DPP6: variants seen among roughly 807,000 people sequenced by gnomAD.
The protein encoded by DPP6 is dipeptidyl peptidase like 6, also known as A-type potassium channel modulatory protein DPP6.
In DPP6, 69 loss-of-function variants were observed where a neutral mutation model predicts 122.6. The ratio of observed to expected loss-of-function variants is 0.56; its 90% CI spans 0.46 to 0.69. The LOEUF is 0.69. Ranked by LOEUF, DPP6 falls within the 30% of genes least tolerant of loss-of-function variation. The pLI is 0.00. For missense variants in DPP6, 928 were observed against 1,116.9 expected, an observed-to-expected ratio of 0.83 and a Z score of 2.41; for synonymous variants, 418 against 433.1, an observed-to-expected ratio of 0.97 and a Z score of 0.43.
rs576799882 is a variant in DPP6, at chr7:154,380,103, C to T, written c.244-66111C>T. Among the ~76,000 whole-genome samples the T allele has an allele frequency of 7.2e-5, 11 of 152,162 alleles. No individual in the cohort carries two copies. In the South Asian group the frequency reaches 2.3e-3, roughly 32 times the overall value. On this transcript the variant is annotated intron_variant, in intron 1 of 25. Coordinates refer to ENST00000377770, the MANE Select transcript of DPP6 (RefSeq NM_130797.4). ...GAGAATATACTAAATTGAAAAAACA[C>T]ACACAACATTAACCTTAATTGTTTC...
intron 3 of DPP6, among the ~76,000 whole-genome samples, chr7:154,510,268 C>T (rs1452575790): frequency 6.6e-6 from 1 of 152,156 alleles, no homozygotes; most frequent in African/African-American, 2.4e-5. Context: ...ACAAGCATCT[C>T]CAGCAACCAG....
At chr7:154,708,535 C>A (rs528652326) in intron 7 of DPP6, among the ~76,000 whole-genome samples, 1 of 152,184 alleles carries the variant, frequency 6.6e-6, no homozygotes, top group African/African-American at 2.4e-5. Flanking sequence ...GTCCTTCATA[C>A]ACATATTTAT....
In DPP6 at chr7:154,873,692, C is replaced by T. The variant is rs12536514; in HGVS notation, c.1883+999C>T. On this transcript the variant is annotated intron_variant, in intron 19 of 25. Transcript: ENST00000377770. ...CCCACTTTCCTTAATATCTGGACTG[C>T]TTTCACACTTTCCCAGCAGCCATGC... is the stretch of plus-strand genomic sequence containing the variant. Among the ~76,000 whole-genome samples the T allele has an allele frequency of 4.3e-3, 651 of 152,244 alleles. 6 individuals carry two copies. The highest frequency in any genetic ancestry group is 0.013 in the Admixed American group (194 of 15,290).
intron 1 of DPP6, among the ~76,000 whole-genome samples, chr7:154,139,593 C>T (rs899590091): frequency 1.3e-5 from 2 of 151,882 alleles, no homozygotes; most frequent in African/African-American, 4.8e-5. Flanking sequence ...TTAGCCATCG[C>T]AGTGGGTCAG....
chr7:154,299,205 T>C (rs1805740906), intron 1 of DPP6, among the ~76,000 whole-genome samples: 1 of 152,124 alleles, frequency 6.6e-6, no homozygotes, highest in South Asian at 2.1e-4. Context: ...CTCAAAGGGG[T>C]GCTGGCGTTG....
chr7:154,060,796 GA>G (rs1470070542), intron 1 of DPP6, among the ~76,000 whole-genome samples: 1 of 93,344 alleles, frequency 1.1e-5, no homozygotes, highest in African/African-American at 5.9e-5. Flanking sequence ...CCCATCACAG[GA>G]GGGGGACGCA....
chr7:154,731,970 C>T (rs1327227024), intron 8 of DPP6, among the ~76,000 whole-genome samples: 1 of 152,114 alleles, frequency 6.6e-6, no homozygotes, highest in Non-Finnish European at 1.5e-5. Flanking sequence ...TTCTTTGTTA[C>T]CGCCATTACA....
At chr7:154,197,694 A>G (rs1444232558) in intron 1 of DPP6, among the ~76,000 whole-genome samples, 1 of 152,234 alleles carries the variant, frequency 6.6e-6, no homozygotes, top group Admixed American at 6.5e-5. Context: ...GTATTGACAT[A>G]TCAATATTTC....
At position 154,587,946 on chromosome 7, in the gene DPP6, C is replaced by A. The variant is rs780683995; in HGVS notation, c.627+21030C>A. On this transcript the variant is annotated intron_variant, in intron 5 of 25. Coordinates refer to ENST00000377770, the MANE Select transcript of DPP6 (RefSeq NM_130797.4). ...GGACTGCCAATGGCACCAGGCTTCG[C>A]AGCCATGCACCTGCAGCCCTCAGGC... is the stretch of plus-strand genomic sequence containing the variant. 3.1e-6 allele frequency: 5 copies of A among 1,612,922 alleles called. No homozygotes were observed. In the South Asian group the frequency reaches 5.5e-5, roughly 18 times the overall value.
intron 1 of DPP6, among the ~76,000 whole-genome samples, chr7:154,063,339 T>A (rs1240234622): frequency 8.6e-6 from 1 of 116,956 alleles, no homozygotes; most frequent in African/African-American, 3.2e-5. Flanking sequence ...TCCCTCTGGC[T>A]CTTAGGAACC....
intron 1 of DPP6, among the ~76,000 whole-genome samples, chr7:153,918,809 G>T (rs928154536): frequency 2.0e-5 from 3 of 151,714 alleles, no homozygotes; most frequent in Admixed American, 6.6e-5. Flanking sequence ...GTGAAACCCC[G>T]TCTCTACTAA....
At chr7:154,638,980 T>C (rs139842936) in intron 6 of DPP6, among the ~76,000 whole-genome samples, 21 of 152,342 alleles carry the variant, frequency 1.4e-4, no homozygotes, top group African/African-American at 4.8e-4. Flanking sequence ...GATAGTGTCA[T>C]GTAGGCTCCT....
Position 154,794,355 on chromosome 7 carries a change from C to A in DPP6, c.1260+153C>A, listed in dbSNP as rs1797880028. Among the ~76,000 whole-genome samples, 3 of 152,196 alleles carry A rather than the reference C, an allele frequency of 2.0e-5. No individual in the cohort carries two copies. The South Asian group carries it at 6.2e-4, about 31-fold the overall frequency. Reference sequence around the variant, plus strand: ...GGGAGCCCGCGGCGCAGAGTCCCGGCTCCGGCGTGGCTGCCACCTCGTGGC... The same window carrying A: ...GGGAGCCCGCGGCGCAGAGTCCCGGATCCGGCGTGGCTGCCACCTCGTGGC... On this transcript the variant is annotated intron_variant, in intron 11 of 25. Transcript: ENST00000377770.
chr7:153,982,016 G>A (rs1188378795), intron 1 of DPP6, among the ~76,000 whole-genome samples: 2 of 152,202 alleles, frequency 1.3e-5, no homozygotes, highest in East Asian at 3.9e-4. Context: ...TGACGATTAT[G>A]TATCTTGGGG....
In DPP6 at chr7:153,984,523, T is replaced by A. The variant is rs368759110; in HGVS notation, c.51+96789T>A. Among the ~76,000 whole-genome samples the A allele has an allele frequency of 5.8e-4, 88 of 152,286 alleles. No individual in the cohort carries two copies. In the South Asian group the frequency reaches 6.6e-3, roughly 11 times the overall value. On this transcript the variant is annotated intron_variant, in intron 1 of 25. Coordinates refer to the DPP6 transcript ENST00000404039. ...GAATGATTTGTGCATGAAACTGCCT[T>A]GGAGCAGGTGCAACTTCAGGGGGAA...
At chr7:154,370,776 G>A (rs1293609313) in intron 1 of DPP6, among the ~76,000 whole-genome samples, 9 of 152,160 alleles carry the variant, frequency 5.9e-5, no homozygotes, top group African/African-American at 2.2e-4. Context: ...TAGAATACTT[G>A]CATATTTTTA....
intron 5 of DPP6, among the ~76,000 whole-genome samples, chr7:154,580,646 G>A (rs993433714): frequency 6.6e-6 from 1 of 152,164 alleles, no homozygotes; most frequent in African/African-American, 2.4e-5. Context: ...TCCCAAAAAT[G>A]TGTGTGAGCT....
chr7:154,592,389 G>A (rs1037938922), intron 5 of DPP6, among the ~76,000 whole-genome samples: 3 of 152,310 alleles, frequency 2.0e-5, no homozygotes, highest in Non-Finnish European at 2.9e-5. Flanking sequence ...ATACGCATCC[G>A]TTTATCCAGT....
At chr7:154,878,324 A>T (rs762184448) in intron 20 of DPP6, among the ~76,000 whole-genome samples, 1 of 152,250 alleles carries the variant, frequency 6.6e-6, no homozygotes, top group Non-Finnish European at 1.5e-5. Context: ...CATCTGTTCC[A>T]AAACAAGGCA....
Sources: gnomAD v4.1 joint callset for allele counts (sites outside exome capture counted in the v4.1 genomes callset) on GRCh38, gnomAD v4.1.1 for gene constraint, MANE v1.5 for transcripts, NCBI Gene and HGNC (gene_info 2026-07-23, HGNC 2026-07-21) for gene names.